Variants in SLC10A7 observed in about 807,000 individuals in gnomAD.
The protein encoded by SLC10A7 is solute carrier family 10 member 7.
A neutral mutation model predicts 43.2 loss-of-function variants in SLC10A7; 29 were observed. The observed-to-expected ratio is 0.67, with a 90% CI of 0.50 to 0.92. The LOEUF (loss-of-function observed/expected upper bound fraction) is 0.92, where lower values mean the gene tolerates loss of function less well. Among genes scored for constraint, SLC10A7 ranks in the 40% least tolerant of loss-of-function variants. SLC10A7 has a pLI of 0.00. For synonymous variants in SLC10A7, 152 were observed against 144.8 expected, an observed-to-expected ratio of 1.05 and a Z score of -0.35; for missense variants, 295 against 403.2, an observed-to-expected ratio of 0.73 and a Z score of 2.30.
chr4:146,469,510 T>G (rs1363449273), intron 4 of SLC10A7, among the ~76,000 whole-genome samples: 1 of 152,156 alleles, frequency 6.6e-6, no homozygotes, highest in Non-Finnish European at 1.5e-5. Flanking sequence ...TAAACAGACA[T>G]GTGATGAATT....
At chr4:146,516,924 A>G in intron 2 of SLC10A7, 114 bp downstream of exon 2, 1 of 740,622 alleles carries the variant, frequency 1.4e-6, no homozygotes, top group Admixed American at 2.5e-5. Flanking sequence ...CTTCTGCTAT[A>G]GTGAATCCTT....
At chr4:146,472,410 T>TTTA (rs1179485810) in intron 4 of SLC10A7, among the ~76,000 whole-genome samples, 1 of 151,712 alleles carries the variant, frequency 6.6e-6, no homozygotes, top group Non-Finnish European at 1.5e-5. Flanking sequence ...CCTTCTCTCA[T>TTTA]TTACATATCT....
At chr4:146,279,797 T>C (rs1729429578) in intron 10 of SLC10A7, among the ~76,000 whole-genome samples, 1 of 152,172 alleles carries the variant, frequency 6.6e-6, no homozygotes, top group Non-Finnish European at 1.5e-5. Context: ...TCATTTTCAA[T>C]AGGAAGCCTT....
At chr4:146,450,740 G>A (rs1731509636) in intron 4 of SLC10A7, among the ~76,000 whole-genome samples, 1 of 152,098 alleles carries the variant, frequency 6.6e-6, no homozygotes, top group Non-Finnish European at 1.5e-5. Context: ...CTACCTACAT[G>A]ACTCATGAAT....
In SLC10A7 at chr4:146,489,776, C is replaced by T. The variant is rs78234341; in HGVS notation, c.396+14073G>A. On this transcript the variant is annotated intron_variant, in intron 4 of 11. Coordinates refer to ENST00000335472, the MANE Select transcript of SLC10A7 (RefSeq NM_001029998.6). ...CTAAGAGGCTTTGTAAAACCTGAGA[C>T]AGGGCTTTTCCCACTCAACTGGTAA... Among the ~76,000 whole-genome samples the T allele has an allele frequency of 1.7e-3, 258 of 152,296 alleles. 1 individual carries two copies. Among genetic ancestry groups the T allele is most frequent in the African/African-American group, 5.8e-3 (243 of 41,556 alleles).
intron 5 of SLC10A7, among the ~76,000 whole-genome samples, chr4:146,380,696 T>C (rs1737552328): frequency 1.3e-5 from 2 of 152,156 alleles, no homozygotes; most frequent in Admixed American, 6.6e-5. Context: ...ATTTGATTCC[T>C]ACTTATAATT....
chr4:146,497,548 G>T (rs1301294264), intron 4 of SLC10A7, among the ~76,000 whole-genome samples: 1 of 152,058 alleles, frequency 6.6e-6, no homozygotes, highest in Admixed American at 6.6e-5. Context: ...GGACGTTAAG[G>T]CTTCATATTC....
chr4:146,430,236 C>G (rs1346731757), intron 5 of SLC10A7, among the ~76,000 whole-genome samples: 4 of 151,868 alleles, frequency 2.6e-5, no homozygotes, highest in Non-Finnish European at 4.4e-5. Context: ...GACAATAGGG[C>G]CACACTCGGA....
chr4:146,323,992 A>G lies in SLC10A7; in HGVS notation c.471+1969T>C, dbSNP rs549269882. 2.6e-4 allele frequency among the ~76,000 whole-genome samples: 39 copies of G among 152,342 alleles called. 1 individual carries two copies. The South Asian group carries it at 7.0e-3, about 27-fold the overall frequency. On this transcript the variant is annotated intron_variant, in intron 6 of 11. Transcript: ENST00000335472. ...CAGCAAAGTCTCAGTATACAAAATC[A>G]TTGTGCAAAATTCAAAAGCATTCTT...
In SLC10A7 at chr4:146,508,248, A is replaced by AT. The variant is rs775353781; in HGVS notation, c.320+1664dup. Reference sequence around the variant, plus strand: ...AATCACATGGTGCCCCATTTTAGTGATTACTAGGAGGCATACATATATATG... The same window carrying AT: ...AATCACATGGTGCCCCATTTTAGTGATTTACTAGGAGGCATACATATATATG... On this transcript the variant is annotated intron_variant, in intron 3 of 11. Coordinates refer to ENST00000335472, the MANE Select transcript of SLC10A7 (RefSeq NM_001029998.6). Among the ~76,000 whole-genome samples, 3 of 152,304 alleles carry AT rather than the reference A, an allele frequency of 2.0e-5. No individual in the cohort carries two copies. The South Asian group carries it at 6.2e-4, about 32-fold the overall frequency.
intron 5 of SLC10A7, among the ~76,000 whole-genome samples, chr4:146,422,504 C>T (rs181940394): frequency 1.6e-4 from 24 of 152,066 alleles, no homozygotes; most frequent in Admixed American, 8.5e-4. Context: ...TAACATTTAC[C>T]TAAAAAGAAC....
intron 6 of SLC10A7, among the ~76,000 whole-genome samples, chr4:146,317,354 G>A (rs188163194): frequency 3.3e-5 from 5 of 152,066 alleles, no homozygotes; most frequent in Admixed American, 2.6e-4. Context: ...GGATTATGAC[G>A]GTGACTAAAA....
intron 4 of SLC10A7, among the ~76,000 whole-genome samples, chr4:146,490,113 T>C (rs1735263457): frequency 6.6e-6 from 1 of 152,210 alleles, no homozygotes; most frequent in South Asian, 2.1e-4. Flanking sequence ...TGGTACATTA[T>C]TTTTAAATTA....
intron 4 of SLC10A7, among the ~76,000 whole-genome samples, chr4:146,482,333 C>G (rs1305009973): frequency 2.0e-5 from 3 of 151,842 alleles, no homozygotes. Context: ...GGAAACTCAG[C>G]AAGATATAAA....
intron 6 of SLC10A7, among the ~76,000 whole-genome samples, chr4:146,325,433 T>G (rs1258709210): frequency 1.3e-5 from 2 of 152,212 alleles, no homozygotes; most frequent in Admixed American, 1.3e-4. Flanking sequence ...TGATTTGTAT[T>G]TTTAATTTTT....
At chr4:146,365,913 G>A (rs1463512953) in intron 5 of SLC10A7, among the ~76,000 whole-genome samples, 1 of 152,208 alleles carries the variant, frequency 6.6e-6, no homozygotes, top group Admixed American at 6.5e-5. Flanking sequence ...AGGCCAGTGA[G>A]CATTACTGCC....
chr4:146,386,418 C>G (rs1046714407), intron 5 of SLC10A7, among the ~76,000 whole-genome samples: 2 of 152,146 alleles, frequency 1.3e-5, no homozygotes, highest in Non-Finnish European at 2.9e-5. Context: ...ATATCCTTTA[C>G]CTGCACTCAC....
chr4:146,283,644 A>G (rs1291848431), intron 9 of SLC10A7, among the ~76,000 whole-genome samples: 1 of 152,222 alleles, frequency 6.6e-6, no homozygotes, highest in Non-Finnish European at 1.5e-5. Flanking sequence ...CTTTTCAAGG[A>G]GCAACACATC....
intron 4 of SLC10A7, among the ~76,000 whole-genome samples, chr4:146,476,825 A>T (rs1734065512): frequency 6.6e-6 from 1 of 152,132 alleles, no homozygotes; most frequent in Non-Finnish European, 1.5e-5. Flanking sequence ...AGTTAACTAG[A>T]CTGGTTTAGT....
Sources: gnomAD v4.1 joint callset for allele counts (sites outside exome capture counted in the v4.1 genomes callset) on GRCh38, gnomAD v4.1.1 for gene constraint, MANE v1.5 for transcripts, NCBI Gene and HGNC (gene_info 2026-07-23, HGNC 2026-07-21) for gene names.